The following SNAPC1 variants were observed in gnomAD, a reference collection of about 807,000 sequenced individuals.
SNAPC1 encodes the protein snRNA-activating protein complex subunit 1.
Under a neutral mutation model 50.1 loss-of-function variants are expected in SNAPC1, and 42 were observed. That is an observed-to-expected ratio of 0.84 (90% CI 0.65 to 1.08). The LOEUF is 1.08. Ranked by LOEUF, SNAPC1 falls within the 50% of genes least tolerant of loss-of-function variation. The pLI is 0.00. For missense variants in SNAPC1, 477 were observed against 427.3 expected (o/e 1.12, Z -1.02); for synonymous variants, 164 against 144.2 (o/e 1.14, Z -0.98).
At chr14:61,776,818 G>C (rs1460248084) in intron 5 of SNAPC1, among the ~76,000 whole-genome samples, 1 of 152,138 alleles carries the variant, frequency 6.6e-6, no homozygotes, top group Admixed American at 6.6e-5. Flanking sequence ...TGTCTACCTG[G>C]TATGGTTTAT....
At chr14:61,765,915 CTCTA>C (rs1388729299) in intron 1 of SNAPC1, among the ~76,000 whole-genome samples, 2 of 152,126 alleles carry the variant, frequency 1.3e-5, no homozygotes, top group Non-Finnish European at 2.9e-5. Context: ...TGTGCTGTTT[CTCTA>C]TCTTTTTCGC....
chr14:61,787,521 G>A (rs867892477), intron 8 of SNAPC1, among the ~76,000 whole-genome samples: 2 of 152,174 alleles, frequency 1.3e-5, no homozygotes, highest in African/African-American at 2.4e-5. Flanking sequence ...GTGCAGCCAC[G>A]TGGTGGAAGA....
At chr14:61,791,381 T>C (rs2045151394) in intron 8 of SNAPC1, among the ~76,000 whole-genome samples, 1 of 152,236 alleles carries the variant, frequency 6.6e-6, no homozygotes, top group Non-Finnish European at 1.5e-5. Context: ...CTTTTATATG[T>C]TTCCTTTTTT....
intron 8 of SNAPC1, among the ~76,000 whole-genome samples, chr14:61,788,965 G>A (rs1406900314): frequency 1.3e-5 from 2 of 152,252 alleles, no homozygotes; most frequent in African/African-American, 2.4e-5. Context: ...GGGCACGGTG[G>A]CTGACGCCTG....
At chr14:61,768,579 C>A in intron 3 of SNAPC1, 57 bp from the exon 4 acceptor site, 1 of 951,260 alleles carries the variant, frequency 1.1e-6, no homozygotes, top group Non-Finnish European at 1.6e-6. Flanking sequence ...TATTTCAATA[C>A]TTTTAACAAT....
At chr14:61,771,397 C>T (rs1374107507) in intron 4 of SNAPC1, among the ~76,000 whole-genome samples, 2 of 152,148 alleles carry the variant, frequency 1.3e-5, no homozygotes, top group Non-Finnish European at 1.5e-5. Flanking sequence ...GTTTGTTGGA[C>T]AGCAAAGGAC....
chr14:61,767,786 G>A (rs969148298), intron 3 of SNAPC1, among the ~76,000 whole-genome samples: 3 of 146,718 alleles, frequency 2.0e-5, no homozygotes, highest in African/African-American at 5.0e-5. Flanking sequence ...TTTTGTGTGT[G>A]TGTGCCTTTT....
chr14:61,796,167 C>T lies in SNAPC1; in HGVS notation c.*1184C>T, dbSNP rs1222281420. 1 of 152,186 alleles carries T rather than the reference C, an allele frequency of 6.6e-6. No homozygotes were observed. Among genetic ancestry groups the T allele is most frequent in the African/African-American group, 2.4e-5 (1 of 41,388 alleles). The allele number at this position is 152,186 out of a possible 1,614,324, so 9.4% of individuals were successfully genotyped here. ...TGACTAACACAGTGAAACCCCGTCT[C>T]TAATAAAAATACGAAAAATTAGCCA... On this transcript the variant is annotated 3_prime_UTR_variant, in exon 10 of 10. Coordinates refer to ENST00000216294, the MANE Select transcript of SNAPC1 (RefSeq NM_003082.4).
At chr14:61,792,732 G>T in intron 8 of SNAPC1, 75 bp from the exon 9 acceptor site, 1 of 831,858 alleles carries the variant, frequency 1.2e-6, no homozygotes. Flanking sequence ...AATAATGACA[G>T]TTTTTGTAAA....
intron 1 of SNAPC1, among the ~76,000 whole-genome samples, chr14:61,765,082 A>G (rs1331205348): frequency 1.3e-5 from 2 of 152,172 alleles, no homozygotes; most frequent in Admixed American, 6.5e-5. Context: ...GGCATTTTTT[A>G]TCTACTAATT....
At chr14:61,767,507 A>G (rs1351834939) in intron 3 of SNAPC1, among the ~76,000 whole-genome samples, 155 bp downstream of exon 3, 1 of 151,572 alleles carries the variant, frequency 6.6e-6, no homozygotes, top group Non-Finnish European at 1.5e-5. Context: ...TCTGTCGCCC[A>G]GGCTGGAGTG....
rs567169625 is a variant in SNAPC1, at chr14:61,796,019, C to G, written c.*1036C>G. ...TTAACCTGTTTCACAGTTGATTATA[C>G]TTCATGCTGTTTTCCAGCATGGTAT... On this transcript the variant is annotated 3_prime_UTR_variant, in exon 10 of 10. Coordinates refer to ENST00000216294, the MANE Select transcript of SNAPC1 (RefSeq NM_003082.4). The G allele has an allele frequency of 6.6e-5, 10 of 152,246 alleles. No individual in the cohort carries two copies. The highest frequency in any genetic ancestry group is 2.4e-4 in the African/African-American group (10 of 41,534). The allele number at this position is 152,246 out of a possible 1,614,324, so 9.4% of individuals were successfully genotyped here. A position where few individuals can be genotyped will look rare whatever the true frequency, so the allele number is the denominator to read the frequency against.
intron 3 of SNAPC1, among the ~76,000 whole-genome samples, chr14:61,768,003 C>T (rs1038603900): frequency 6.6e-6 from 1 of 152,216 alleles, no homozygotes; most frequent in Non-Finnish European, 1.5e-5. Flanking sequence ...TGGTCTTGAA[C>T]TCCTGACCTC....
intron 4 of SNAPC1, among the ~76,000 whole-genome samples, chr14:61,770,808 C>T (rs28645107): frequency 0.15 from 23,264 of 151,908 alleles, 2,160 homozygotes; most frequent in South Asian, 0.32. Flanking sequence ...AATTTTGGCT[C>T]ACTGCAACCT....
rs377568448 is a variant in SNAPC1 at position 61,786,177 on chromosome 14, T to C, written c.976+3780T>C. On this transcript the variant is annotated intron_variant, in intron 8 of 9. Transcript: ENST00000216294. Reference sequence around the variant, plus strand: ...GGATTATGGACCTAAATTTGAAACCTAAATTATAAAACTTGTGAAAAAATA... The same window carrying C: ...GGATTATGGACCTAAATTTGAAACCCAAATTATAAAACTTGTGAAAAAATA... 9.1e-4 allele frequency among the ~76,000 whole-genome samples: 139 copies of C among 152,332 alleles called. 4 individuals are homozygous for C. The South Asian group carries it at 0.028, about 31-fold the overall frequency.
chr14:61,771,021 C>G (rs1482083505), intron 4 of SNAPC1, among the ~76,000 whole-genome samples: 1 of 152,168 alleles, frequency 6.6e-6, no homozygotes, highest in Non-Finnish European at 1.5e-5. Context: ...CAATTACAGA[C>G]ATGAGCCACC....
intron 1 of SNAPC1, among the ~76,000 whole-genome samples, chr14:61,765,277 A>C (rs2044938634): frequency 6.6e-6 from 1 of 152,212 alleles, no homozygotes; most frequent in South Asian, 2.1e-4. Context: ...CAGAAAATAT[A>C]TGTGAACCTC....
intron 4 of SNAPC1, among the ~76,000 whole-genome samples, 157 bp from the exon 5 acceptor site, chr14:61,775,938 A>G (rs532687547): frequency 3.9e-5 from 6 of 152,008 alleles, no homozygotes; most frequent in South Asian, 4.2e-4. Context: ...AAGTTGTACT[A>G]TTTTGCTTAC....
At chr14:61,778,654 G>T (rs2045051511) in intron 6 of SNAPC1, among the ~76,000 whole-genome samples, 194 bp from the exon 7 acceptor site, 1 of 152,172 alleles carries the variant, frequency 6.6e-6, no homozygotes, top group African/African-American at 2.4e-5. Context: ...TGGTGTTATG[G>T]CACCTGCTAC....
Sources: allele counts gnomAD v4.1 joint callset (sites outside exome capture counted in the v4.1 genomes callset), GRCh38; gene constraint gnomAD v4.1.1; transcripts MANE v1.5; gene names NCBI Gene and HGNC (gene_info 2026-07-23, HGNC 2026-07-21).